PCNP: variants seen among roughly 807,000 people sequenced by gnomAD.
The protein encoded by PCNP is PEST proteolytic signal-containing nuclear protein.
A neutral mutation model predicts 21.8 loss-of-function variants in PCNP; 6 were observed. The observed-to-expected ratio is 0.28, with a 90% CI of 0.15 to 0.54. The LOEUF (loss-of-function observed/expected upper bound fraction) is 0.54. Ranked by LOEUF, PCNP falls within the 20% of genes least tolerant of loss-of-function variation. The pLI, the probability that PCNP is intolerant of heterozygous loss-of-function variation, is 0.95. For synonymous variants in PCNP, 67 were observed against 73.2 expected (o/e 0.92, Z 0.43); for missense variants, 161 against 215.5 (o/e 0.75, Z 1.58).
At chr3:101,586,571 T>TGTGTGTGTGTGTGTGTGAGAGAGAGAGA in intron 3 of PCNP, among the ~76,000 whole-genome samples, 4 of 114,142 alleles carry the variant, frequency 3.5e-5, no homozygotes, top group African/African-American at 1.2e-4. Flanking sequence ...TGTGTGTGTG[T>TGTGTGTGTGTGTGTGTGAGAGAGAGAGA]GAGAGAGAGA....
chr3:101,579,856 G>T lies in PCNP; in HGVS notation c.131G>T (p.Ser44Ile), dbSNP rs139971718. The change falls in exon 2 of 5, where the codon AGT becomes ATT. Residue 44 changes from serine (S) to isoleucine (I), a missense_variant. By Grantham distance (142) the Ser-to-Ile change is moderately radical. Transcript: ENST00000265260. ...KTVSSSNGGE[S>I]SSRSAEKRSA... Reference sequence around the variant, plus strand: ...GTTTCTTCCAGTAATGGAGGGGAAAGTTCCAGTCGCAGCGCTGAGAAGCGA... The same window carrying T: ...GTTTCTTCCAGTAATGGAGGGGAAATTTCCAGTCGCAGCGCTGAGAAGCGA... The T allele has an allele frequency of 1.2e-6, 2 of 1,614,184 alleles. No individual in the cohort carries two copies. Among genetic ancestry groups the T allele is most frequent in the East Asian group, 2.2e-5 (1 of 44,888 alleles).
At chr3:101,574,683 G>A (rs531302040) in intron 1 of PCNP, among the ~76,000 whole-genome samples, 15 of 152,198 alleles carry the variant, frequency 9.9e-5, no homozygotes, top group Admixed American at 2.6e-4. Flanking sequence ...CACAGTGCGA[G>A]CCACCGAGTA....
intron 1 of PCNP, 149 bp downstream of exon 1, chr3:101,574,428 C>T (rs192658427): frequency 1.0e-6 from 1 of 981,102 alleles, no homozygotes; most frequent in Non-Finnish European, 1.4e-6. Context: ...TCGGGCACGC[C>T]CGATGCGGCC....
intron 1 of PCNP, chr3:101,576,513 G>A (rs959678889): frequency 9.9e-6 from 16 of 1,609,068 alleles, no homozygotes; most frequent in East Asian, 4.5e-5. Context: ...ACACACCCAC[G>A]GTGCGGCCAC....
chr3:101,583,817 A>ATTT (rs564200727), intron 2 of PCNP, among the ~76,000 whole-genome samples: 24 of 104,060 alleles, frequency 2.3e-4, no homozygotes, highest in African/African-American at 4.2e-4. Flanking sequence ...TATCCAGCTA[A>ATTT]TTTTTTTTTT....
At chr3:101,586,571 T>TGTGTGTGTGTGTGTGAGAGAGAGAGA in intron 3 of PCNP, among the ~76,000 whole-genome samples, 8 of 114,204 alleles carry the variant, frequency 7.0e-5, no homozygotes, top group African/African-American at 2.4e-4. Flanking sequence ...TGTGTGTGTG[T>TGTGTGTGTGTGTGTGAGAGAGAGAGA]GAGAGAGAGA....
chr3:101,574,351 G>T, intron 1 of PCNP, 72 bp downstream of exon 1: 2 of 1,436,866 alleles, frequency 1.4e-6, no homozygotes, highest in Non-Finnish European at 1.9e-6. Context: ...AGGGTGGGGG[G>T]AGTGGGGTGG....
At chr3:101,590,078 C>T (rs953946595) in intron 3 of PCNP, 137 bp from the exon 4 acceptor site, 3 of 641,768 alleles carry the variant, frequency 4.7e-6, no homozygotes, top group Admixed American at 6.0e-5. Context: ...GTAAATAACT[C>T]ACTAATTTTC....
At chr3:101,574,361 G>T in intron 1 of PCNP, 82 bp downstream of exon 1, 2 of 1,424,934 alleles carry the variant, frequency 1.4e-6, no homozygotes, top group South Asian at 1.3e-5. Context: ...GAGTGGGGTG[G>T]GGCGAGAATG....
chr3:101,583,543 G>A lies in PCNP; in HGVS notation c.280-1894G>A, dbSNP rs534659469. Among the ~76,000 whole-genome samples the A allele has an allele frequency of 4.6e-5, 7 of 152,288 alleles. No individual in the cohort carries two copies. In the South Asian group the frequency reaches 1.4e-3, roughly 32 times the overall value. ...AGGTGGGAGGATCACTTGAGCCAGG[G>A]AGGTCGAGGCTGCAGTGAGACAAGA... On this transcript the variant is annotated intron_variant, in intron 2 of 4. Transcript: ENST00000265260.
chr3:101,581,659 C>T (rs1935227343), intron 2 of PCNP, among the ~76,000 whole-genome samples: 1 of 152,020 alleles, frequency 6.6e-6, no homozygotes, highest in Admixed American at 6.6e-5. Context: ...GTCTCAAACT[C>T]CTGACCTCAG....
intron 2 of PCNP, among the ~76,000 whole-genome samples, chr3:101,585,077 A>T (rs1935427655): frequency 6.6e-6 from 1 of 152,228 alleles, no homozygotes; most frequent in Non-Finnish European, 1.5e-5. Context: ...AGAGGCAGAA[A>T]GCCCCTTTTA....
intron 3 of PCNP, among the ~76,000 whole-genome samples, chr3:101,586,967 T>C (rs1265447827): frequency 6.6e-6 from 1 of 152,158 alleles, no homozygotes; most frequent in African/African-American, 2.4e-5. Flanking sequence ...AAGAAATAAT[T>C]CTGTGGCCGC....
rs1342893208 is a variant in PCNP, at chr3:101,592,835, T to C, written c.*82T>C. ...TTTTTTAAAGAATGGTATAAGACTA[T>C]CTTTGGAGCCGCTTTTTTTTTCTTT... On this transcript the variant is annotated 3_prime_UTR_variant, in exon 5 of 5. Coordinates refer to ENST00000265260, the MANE Select transcript of PCNP (RefSeq NM_020357.3). 1 of 1,223,034 alleles carries C rather than the reference T, an allele frequency of 8.2e-7. No homozygotes were observed. Among genetic ancestry groups the C allele is most frequent in the Admixed American group, 2.8e-5 (1 of 35,936 alleles). The allele number at this position is 1,223,034 out of a possible 1,614,324, so 75.8% of individuals were successfully genotyped here.
intron 2 of PCNP, among the ~76,000 whole-genome samples, chr3:101,582,745 A>C (rs1021075538): frequency 6.6e-6 from 1 of 152,234 alleles, no homozygotes; most frequent in Admixed American, 6.5e-5. Flanking sequence ...AGATCAGAGA[A>C]GAGTTTACTG....
chr3:101,591,490 C>T (rs1161720455), intron 4 of PCNP, among the ~76,000 whole-genome samples: 2 of 152,220 alleles, frequency 1.3e-5, no homozygotes, highest in African/African-American at 4.8e-5. Flanking sequence ...TGGCTGCCTG[C>T]ATGCCTTCCT....
intron 3 of PCNP, among the ~76,000 whole-genome samples, chr3:101,587,597 A>G (rs1467125980): frequency 1.3e-5 from 2 of 151,586 alleles, no homozygotes; most frequent in Non-Finnish European, 2.9e-5. Context: ...ATCTGAATAA[A>G]TGATACTGTG....
intron 2 of PCNP, among the ~76,000 whole-genome samples, chr3:101,580,432 C>G (rs1300365678): frequency 6.6e-6 from 1 of 151,694 alleles, no homozygotes; most frequent in Non-Finnish European, 1.5e-5. Context: ...AAAAAAAAAT[C>G]TTTTTTCTAA....
chr3:101,574,367 G>A (rs927400019), intron 1 of PCNP, 88 bp downstream of exon 1: 35 of 1,431,220 alleles, frequency 2.4e-5, no homozygotes, highest in Non-Finnish European at 3.3e-5. Context: ...GGTGGGGCGA[G>A]AATGGGCGGA....
Sources: gnomAD v4.1 joint callset for allele counts (sites outside exome capture counted in the v4.1 genomes callset) on GRCh38, gnomAD v4.1.1 for gene constraint, MANE v1.5 for transcripts, NCBI Gene and HGNC (gene_info 2026-07-23, HGNC 2026-07-21) for gene names.